TNRC6A: variants seen among roughly 807,000 people sequenced by gnomAD.
TNRC6A encodes the protein trinucleotide repeat containing adaptor 6A, also known as trinucleotide repeat-containing gene 6A protein.
TNRC6A carries 44 observed loss-of-function variants against 221.2 expected under a neutral mutation model. The ratio of observed to expected loss-of-function variants is 0.20; its 90% CI spans 0.16 to 0.26. The LOEUF (loss-of-function observed/expected upper bound fraction) is 0.26. Among genes scored for constraint, TNRC6A ranks in the 10% least tolerant of loss-of-function variants. The pLI is 1.00. For synonymous variants in TNRC6A, 847 were observed against 838.5 expected (o/e 1.01, Z -0.18); for missense variants, 2,199 against 2,404.4 (o/e 0.91, Z 1.79).
Position 24,820,323 on chromosome 16 carries a change from T to C in TNRC6A, c.5265T>C (p.Gly1755=), listed in dbSNP as rs760827204. The change falls in exon 22 of 25, where the codon GGT becomes GGC. Residue 1755 remains glycine, a synonymous_variant. Coordinates refer to ENST00000395799, the MANE Select transcript of TNRC6A (RefSeq NM_014494.4). ...STWDNSPLRI[G]GGWGNSDARY... is the part of the protein sequence containing the mutation. ...GGGATAATTCTCCCCTTCGTATAGG[T>C]GGAGGATGGGGAAATTCTGACGCCA... is the stretch of plus-strand genomic sequence containing the variant. 1 of 1,614,054 alleles carries C rather than the reference T, an allele frequency of 6.2e-7. No homozygotes were observed. The highest frequency in any genetic ancestry group is 2.2e-5 in the East Asian group (1 of 44,874).
intron 2 of TNRC6A, among the ~76,000 whole-genome samples, chr16:24,700,745 A>G (rs1596514597): frequency 6.6e-6 from 1 of 152,228 alleles, no homozygotes; most frequent in East Asian, 1.9e-4. Flanking sequence ...TCCTTAGGCA[A>G]TAGCCTACCT....
rs1050271217 is a variant in TNRC6A at position 24,816,821 on chromosome 16, C to T, written c.4837C>T (p.Arg1613Cys). Residue 1613 changes from arginine to cysteine, a missense_variant, in exon 20 of 25, where the codon CGT becomes TGT. Coordinates refer to ENST00000395799, the MANE Select transcript of TNRC6A (RefSeq NM_014494.4). The part of the protein sequence containing the change: ...SSSVNWPPEF[R>C]PGEPWKGYPN... The stretch of plus-strand genomic sequence containing the variant: ...TTTTAAATTTCCGTTTCCAGAATTT[C>T]GTCCTGGTGAGCCATGGAAAGGTTA... 4 of 1,603,082 alleles carry T rather than the reference C, an allele frequency of 2.5e-6. No individual in the cohort carries two copies. Among genetic ancestry groups the T allele is most frequent in the Non-Finnish European group, 3.4e-6 (4 of 1,176,878 alleles).
rs1459234854 is a variant in TNRC6A, at chr16:24,826,051, G to T, written c.*2244G>T. ...CATACTGGTTTTTCCAAAAACCAAA[G>T]GTAGCTTTGAAAAACCATGTCTGGA... On this transcript the variant is annotated 3_prime_UTR_variant, in exon 25 of 25. Coordinates refer to ENST00000395799, the MANE Select transcript of TNRC6A (RefSeq NM_014494.4). The T allele has an allele frequency of 6.6e-6, 1 of 152,656 alleles. No homozygotes were observed. The highest frequency in any genetic ancestry group is 2.4e-5 in the African/African-American group (1 of 41,462). The allele number at this position is 152,656 out of a possible 1,614,324, so 9.5% of individuals were successfully genotyped here. A position where few individuals can be genotyped will look rare whatever the true frequency, so the allele number is the denominator to read the frequency against.
chr16:24,645,171 A>G (rs1902207335), intron 2 of TNRC6A, among the ~76,000 whole-genome samples: 1 of 152,220 alleles, frequency 6.6e-6, no homozygotes, highest in African/African-American at 2.4e-5. Context: ...TTATTGGAAT[A>G]GTGGTTTGAC....
intron 2 of TNRC6A, among the ~76,000 whole-genome samples, chr16:24,655,689 CA>C (rs199874841): frequency 4.1e-5 from 6 of 144,744 alleles, no homozygotes; most frequent in East Asian, 2.0e-4. Flanking sequence ...AATTCTGTCT[CA>C]AAAAAAAAAG....
chr16:24,644,253 AT>A (rs757304025), intron 2 of TNRC6A, among the ~76,000 whole-genome samples: 1 of 147,966 alleles, frequency 6.8e-6, no homozygotes, highest in African/African-American at 2.5e-5. Flanking sequence ...CGCCCAGCTA[AT>A]TTTTTTTTGT....
At chr16:24,633,846 G>A (rs779148278) in intron 1 of TNRC6A, among the ~76,000 whole-genome samples, 7 of 151,656 alleles carry the variant, frequency 4.6e-5, no homozygotes, top group Non-Finnish European at 4.4e-5. Context: ...GCAGTGGCAT[G>A]GTCTCAGCTC....
At chr16:24,633,198 G>C (rs1221507329) in intron 1 of TNRC6A, among the ~76,000 whole-genome samples, 2 of 151,938 alleles carry the variant, frequency 1.3e-5, no homozygotes, top group African/African-American at 2.4e-5. Flanking sequence ...TACCATATAT[G>C]CAGCTGCTTG....
At chr16:24,654,603 C>A (rs1902857831) in intron 2 of TNRC6A, among the ~76,000 whole-genome samples, 1 of 152,038 alleles carries the variant, frequency 6.6e-6, no homozygotes, top group African/African-American at 2.4e-5. Context: ...CCTGTAGTAC[C>A]AGCTACTCCA....
intron 1 of TNRC6A, among the ~76,000 whole-genome samples, chr16:24,619,492 T>C (rs1567302472): frequency 2.0e-5 from 3 of 152,202 alleles, no homozygotes; most frequent in African/African-American, 7.2e-5. Flanking sequence ...TGTAGTAAAT[T>C]ATGTTCTGTC....
chr16:24,718,899 T>C (rs1314064361), intron 2 of TNRC6A, among the ~76,000 whole-genome samples: 1 of 151,574 alleles, frequency 6.6e-6, no homozygotes, highest in African/African-American at 2.4e-5. Context: ...TAGCCGGGCA[T>C]GGTGGTGGGT....
At chr16:24,736,274 A>G (rs2056764900) in intron 2 of TNRC6A, among the ~76,000 whole-genome samples, 1 of 152,186 alleles carries the variant, frequency 6.6e-6, no homozygotes, top group South Asian at 2.1e-4. Flanking sequence ...ATTTTGCCAC[A>G]TTTGTTCTAT....
At chr16:24,634,416 A>T (rs1901518582) in intron 1 of TNRC6A, among the ~76,000 whole-genome samples, 1 of 152,066 alleles carries the variant, frequency 6.6e-6, no homozygotes, top group Admixed American at 6.6e-5. Flanking sequence ...GGCGACAGAG[A>T]GAGACCCTGT....
chr16:24,695,785 C>T (rs1389546027), intron 2 of TNRC6A, among the ~76,000 whole-genome samples: 2 of 152,134 alleles, frequency 1.3e-5, no homozygotes, highest in African/African-American at 4.8e-5. Context: ...AAGCAAAACA[C>T]GGGATTGAGT....
rs770899112 is a variant in TNRC6A, at chr16:24,807,008, CT to C, written c.4540+239del. On this transcript the variant is annotated intron_variant, in intron 17 of 24. Transcript: ENST00000395799. ...CACGATTTTTCTTTTCTTTCCTTTT[CT>C]TTTTTTTTTTTTTTAGGACAGAGTC... 4.7e-3 allele frequency among the ~76,000 whole-genome samples: 657 copies of C among 140,852 alleles called. 1 individual carries two copies. The highest frequency in any genetic ancestry group is 4.9e-3 in the Admixed American group (68 of 13,984). The allele number at this position is 140,852 out of a possible 152,430, so 92.4% of individuals were successfully genotyped here. A position where few individuals can be genotyped will look rare whatever the true frequency, so the allele number is the denominator to read the frequency against.
At chr16:24,737,519 T>C (rs2056796516) in intron 2 of TNRC6A, among the ~76,000 whole-genome samples, 1 of 152,252 alleles carries the variant, frequency 6.6e-6, no homozygotes, top group African/African-American at 2.4e-5. Flanking sequence ...TTTTGAATTT[T>C]TAGCAGTAGT....
chr16:24,804,691 G>T lies in TNRC6A; in HGVS notation c.3838-14G>T. On this transcript the variant is annotated splice_polypyrimidine_tract_variant and intron_variant, in intron 12 of 24. Coordinates refer to ENST00000395799, the MANE Select transcript of TNRC6A (RefSeq NM_014494.4). ...CTTGGCTGGTGTTGCACATCTTTCTGTCTGTCCAATCAGGATGGCATTGTA... is the reference window on the plus strand; with the variant it reads ...CTTGGCTGGTGTTGCACATCTTTCTTTCTGTCCAATCAGGATGGCATTGTA... 2 of 1,565,364 alleles carry T rather than the reference G, an allele frequency of 1.3e-6. No individual in the cohort carries two copies.
At chr16:24,686,770 C>T (rs1028834010) in intron 2 of TNRC6A, among the ~76,000 whole-genome samples, 4 of 152,146 alleles carry the variant, frequency 2.6e-5, no homozygotes, top group East Asian at 1.9e-4. Context: ...GGTGGTATGG[C>T]GTCACCGTGG....
intron 5 of TNRC6A, among the ~76,000 whole-genome samples, chr16:24,783,966 G>A (rs1021622467): frequency 7.2e-5 from 11 of 152,090 alleles, no homozygotes; most frequent in South Asian, 2.1e-4. Flanking sequence ...TTTTAATAGC[G>A]TCTTTTCCCA....
Sources: gnomAD v4.1 joint callset for allele counts (sites outside exome capture counted in the v4.1 genomes callset) on GRCh38, gnomAD v4.1.1 for gene constraint, MANE v1.5 for transcripts, NCBI Gene and HGNC (gene_info 2026-07-23, HGNC 2026-07-21) for gene names.